The following ZNG1A variants were observed in gnomAD, a reference collection of about 807,000 sequenced individuals.
ZNG1A encodes zinc-regulated GTPase metalloprotein activator 1A.
chr9:135,627 A>AATTACAACC, the ZNG1A span, among the ~76,000 whole-genome samples: 1 of 99,314 alleles, frequency 1.0e-5, no homozygotes, highest in East Asian at 3.8e-4. Context: ...TGGCATAACA[A>AATTACAACC]ATTACAACCA....
the ZNG1A span, chr9:146,846 G>C: frequency 6.7e-6 from 1 of 149,946 alleles, no homozygotes; most frequent in African/African-American, 2.5e-5. Flanking sequence ...ATAAAGACTG[G>C]TGATTGAGTT....
chr9:174,209 A>C, the ZNG1A span, among the ~76,000 whole-genome samples: 7 of 151,608 alleles, frequency 4.6e-5, no homozygotes, highest in African/African-American at 1.7e-4. Context: ...ATACTTACTT[A>C]AGAAAGAATA....
chr9:174,225 C>T, the ZNG1A span, among the ~76,000 whole-genome samples: 12,383 of 148,338 alleles, frequency 0.083, 964 homozygotes, highest in African/African-American at 0.21. Context: ...GAATAAACTA[C>T]ATTTGAAATG....
At chr9:145,553 T>TG in the ZNG1A span, among the ~76,000 whole-genome samples, 1 of 70,434 alleles carries the variant, frequency 1.4e-5, no homozygotes, top group Non-Finnish European at 2.6e-5. Flanking sequence ...TGTTGTGGGG[T>TG]GGGGGGAGGG....
At chr9:145,373 A>G in the ZNG1A span, among the ~76,000 whole-genome samples, 1 of 151,194 alleles carries the variant, frequency 6.6e-6, no homozygotes, top group Non-Finnish European at 1.5e-5. Flanking sequence ...CAGCCATAAA[A>G]AAGGATGAGT....
chr9:142,712 T>C, the ZNG1A span, among the ~76,000 whole-genome samples: 53 of 140,480 alleles, frequency 3.8e-4, no homozygotes, highest in Middle Eastern at 6.8e-3. Flanking sequence ...CTGAAGGAAA[T>C]AGAGACACAA....
the ZNG1A span, chr9:172,942 T>C: frequency 3.9e-3 from 1,149 of 294,908 alleles, 50 homozygotes; most frequent in Admixed American, 0.027. Flanking sequence ...TTTTATAAGA[T>C]TGAACACTTA....
chr9:152,758 A>G, the ZNG1A span, among the ~76,000 whole-genome samples: 28 of 147,562 alleles, frequency 1.9e-4, no homozygotes, highest in African/African-American at 6.8e-4. Flanking sequence ...ATCATCAATC[A>G]TCAATTCTCT....
the ZNG1A span, among the ~76,000 whole-genome samples, chr9:142,180 C>T: frequency 4.7e-5 from 7 of 148,420 alleles, no homozygotes; most frequent in African/African-American, 7.7e-5. Flanking sequence ...CTCAGCTCTG[C>T]ACCAAGCAGA....
chr9:169,587 G>C, the ZNG1A span, among the ~76,000 whole-genome samples: 3 of 144,210 alleles, frequency 2.1e-5, no homozygotes, highest in Non-Finnish European at 4.5e-5. Flanking sequence ...CATCTTTTAT[G>C]AAAGGGAGAG....
chr9:151,264 G>A, the ZNG1A span: 6 of 982,140 alleles, frequency 6.1e-6, no homozygotes, highest in East Asian at 4.6e-4. Context: ...TGGCAGTCTG[G>A]CAGCACCTCT....
At chr9:161,298 G>A in the ZNG1A span, among the ~76,000 whole-genome samples, 55,882 of 146,090 alleles carry the variant, frequency 0.38, 9,378 homozygotes, top group Middle Eastern at 0.5. Flanking sequence ...GTAAAATCCT[G>A]TCTCTACTAA....
the ZNG1A span, among the ~76,000 whole-genome samples, chr9:160,516 T>G: frequency 6.6e-6 from 1 of 151,798 alleles, no homozygotes; most frequent in Non-Finnish European, 1.5e-5. Context: ...TGTAGGTATA[T>G]TGATTTAATA....
chr9:143,407 T>C, the ZNG1A span, among the ~76,000 whole-genome samples: 74,361 of 122,566 alleles, frequency 0.61, 23,989 homozygotes, highest in Non-Finnish European at 0.67. Context: ...AATCAATACA[T>C]GTAATCCAGC....
At chr9:132,031 G>A in the ZNG1A span, among the ~76,000 whole-genome samples, 7 of 142,626 alleles carry the variant, frequency 4.9e-5, no homozygotes, top group Admixed American at 2.1e-4. Context: ...AAATCCTACC[G>A]TCAAAAAAAA....
the ZNG1A span, among the ~76,000 whole-genome samples, chr9:174,579 AAC>A: frequency 4.6e-5 from 7 of 151,844 alleles, no homozygotes; most frequent in African/African-American, 9.7e-5. Flanking sequence ...TGATGAAAAA[AAC>A]AGTCTGTTAT....
chr9:154,383 G>T, the ZNG1A span: 2 of 447,490 alleles, frequency 4.5e-6, no homozygotes, highest in Admixed American at 3.9e-5. Context: ...GCATCCATGG[G>T]AAAGTGAATT....
the ZNG1A span, among the ~76,000 whole-genome samples, chr9:124,724 G>C: frequency 6.8e-3 from 860 of 127,002 alleles, 1 homozygote; most frequent in African/African-American, 0.025. Context: ...TTCTCCCTGA[G>C]TCCCCAAAGT....
chr9:157,799 A>C, the ZNG1A span, among the ~76,000 whole-genome samples: 1 of 148,624 alleles, frequency 6.7e-6, no homozygotes, highest in Non-Finnish European at 1.5e-5. Context: ...CAGTTTCACA[A>C]TTCATGGGGA....
Sources: allele counts gnomAD v4.1 joint callset (sites outside exome capture counted in the v4.1 genomes callset), GRCh38; gene constraint gnomAD v4.1.1; transcripts MANE v1.5; gene names NCBI Gene and HGNC (gene_info 2026-07-23, HGNC 2026-07-21).